The following TTLL12 variants were observed in gnomAD, a reference collection of about 807,000 sequenced individuals.
The protein encoded by TTLL12 is tubulin tyrosine ligase like 12, also known as tubulin--tyrosine ligase-like protein 12.
A neutral mutation model predicts 79.6 loss-of-function variants in TTLL12; 77 were observed. That is an observed-to-expected ratio of 0.97 (90% CI 0.81 to 1.17). TTLL12 has a LOEUF of 1.17. Among genes scored for constraint, TTLL12 ranks in the 50% most tolerant of loss-of-function variants. TTLL12 has a pLI of 0.00. For missense variants in TTLL12, 969 were observed against 895.9 expected, an observed-to-expected ratio of 1.08 and a Z score of -1.04; for synonymous variants, 437 against 376.1, an observed-to-expected ratio of 1.16 and a Z score of -1.87.
In TTLL12 at chr22:43,176,302, TGG is replaced by T. The variant is rs11315075; in HGVS notation, c.917+16_917+17del. On this transcript the variant is annotated intron_variant, in intron 6 of 13. Transcript: ENST00000216129. ...TGCGGACAAGTCCCAGCCCAAGCAG[TGG>T]GGGGGGGCTACGCACTTGAAGATGT... The T allele has an allele frequency of 6.7e-6, 10 of 1,494,108 alleles. No individual in the cohort carries two copies. The highest frequency in any genetic ancestry group is 4.7e-5 in the East Asian group (2 of 42,356). 92.6% of individuals were successfully genotyped at this position (1,494,108 alleles called of 1,614,324 possible). A position where few individuals can be genotyped will look rare whatever the true frequency, so the allele number is the denominator to read the frequency against.
chr22:43,167,768 C>A lies in TTLL12; in HGVS notation c.*240G>T. ...ATGGTGGTGAGGGGTGAGGGCAGGG[C>A]GTGGGGTGGTGCTCAGCCCTGGGGA... On this transcript the variant is annotated 3_prime_UTR_variant, in exon 14 of 14. Transcript: ENST00000216129. 1 of 459,082 alleles carries A rather than the reference C, an allele frequency of 2.2e-6. No individual in the cohort carries two copies. Among genetic ancestry groups the A allele is most frequent in the South Asian group, 3.1e-5 (1 of 31,842 alleles). The allele number at this position is 459,082 out of a possible 1,614,324, so 28.4% of individuals were successfully genotyped here. A position where few individuals can be genotyped will look rare whatever the true frequency, so the allele number is the denominator to read the frequency against.
At chr22:43,186,801 C>A in intron 1 of TTLL12, 92 bp downstream of exon 1, 1 of 1,175,978 alleles carries the variant, frequency 8.5e-7, no homozygotes, top group Non-Finnish European at 1.1e-6. Flanking sequence ...GCGGCTCCCG[C>A]CGCCCGGGAG....
At chr22:43,172,262 C>T in intron 10 of TTLL12, 141 bp downstream of exon 10, 2 of 1,068,174 alleles carry the variant, frequency 1.9e-6, no homozygotes, top group Non-Finnish European at 2.7e-6. Flanking sequence ...GAGATGGGCT[C>T]CAAGGGCCGC....
chr22:43,174,084 G>A, intron 8 of TTLL12, 125 bp downstream of exon 8: 2 of 1,314,846 alleles, frequency 1.5e-6, no homozygotes, highest in Non-Finnish European at 2.1e-6. Context: ...GTGACGTTCG[G>A]GGCCCACAGC....
intron 7 of TTLL12, 31 bp from the exon 8 acceptor site, chr22:43,174,434 A>G: frequency 6.4e-7 from 1 of 1,563,428 alleles, no homozygotes; most frequent in Non-Finnish European, 8.7e-7. Flanking sequence ...CGCCAGCTCA[A>G]GGGGAGGCCG....
intron 1 of TTLL12, among the ~76,000 whole-genome samples, chr22:43,183,999 T>A (rs1428572945): frequency 1.3e-5 from 2 of 152,234 alleles, no homozygotes; most frequent in African/African-American, 4.8e-5. Flanking sequence ...CTGGGAGGAT[T>A]AGGTGATTCA....
chr22:43,176,802 T>C (rs529794995), intron 5 of TTLL12, among the ~76,000 whole-genome samples: 104 of 150,304 alleles, frequency 6.9e-4, no homozygotes, highest in Middle Eastern at 6.9e-3. Flanking sequence ...TCAGGTTCTA[T>C]GGCCTCAAGG....
chr22:43,183,239 C>G, intron 1 of TTLL12, 90 bp from the exon 2 acceptor site: 1 of 1,513,404 alleles, frequency 6.6e-7, no homozygotes, highest in Non-Finnish European at 9.0e-7. Context: ...CGAGGTGCCA[C>G]ACCCAGGCCT....
At chr22:43,174,459 C>T (rs1248703945) in intron 7 of TTLL12, 40 bp downstream of exon 7, 1 of 1,577,476 alleles carries the variant, frequency 6.3e-7, no homozygotes, top group South Asian at 1.1e-5. Context: ...TGCCTAGAAG[C>T]CCTGACTGGG....
intron 3 of TTLL12, 98 bp downstream of exon 3, chr22:43,180,644 G>T: frequency 7.4e-7 from 1 of 1,353,624 alleles, no homozygotes; most frequent in East Asian, 2.3e-5. Context: ...TGAGTTGCTT[G>T]CTCTGGCCGG....
Position 43,179,825 on chromosome 22 carries a change from C to A in TTLL12, c.706+16G>T. ...GCTGAGGCCCCTCCTCCAGGGCGGG[C>A]AGGTGCTGGACTTACCGCCAGTGTC... On this transcript the variant is annotated intron_variant, in intron 4 of 13. Coordinates refer to ENST00000216129, the MANE Select transcript of TTLL12 (RefSeq NM_015140.4). 1 of 1,563,672 alleles carries A rather than the reference C, an allele frequency of 6.4e-7. No homozygotes were observed. Among genetic ancestry groups the A allele is most frequent in the South Asian group, 1.2e-5 (1 of 85,852 alleles).
chr22:43,172,266 G>A lies in TTLL12; in HGVS notation c.1493+137C>T, dbSNP rs1010872490. The A allele has an allele frequency of 1.0e-5, 11 of 1,091,070 alleles. No individual in the cohort carries two copies. The East Asian group carries it at 2.3e-4, about 23-fold the overall frequency. 67.6% of individuals were successfully genotyped at this position (1,091,070 alleles called of 1,614,324 possible). A position where few individuals can be genotyped will look rare whatever the true frequency, so the allele number is the denominator to read the frequency against. ...TAACACCAAGGGAGATGGGCTCCAA[G>A]GGCCGCTAGCTGGGTGAGTGATGGA... On this transcript the variant is annotated intron_variant, in intron 10 of 13. Coordinates refer to ENST00000216129, the MANE Select transcript of TTLL12 (RefSeq NM_015140.4).
intron 5 of TTLL12, 132 bp downstream of exon 5, chr22:43,179,487 A>C (rs760842503): frequency 2.7e-4 from 356 of 1,306,734 alleles, no homozygotes; most frequent in Non-Finnish European, 3.2e-4. Flanking sequence ...GGCTCCCAAA[A>C]CTCTATGCCT....
chr22:43,173,898 G>A (rs1931830750), intron 8 of TTLL12, 72 bp from the exon 9 acceptor site: 2 of 1,379,356 alleles, frequency 1.4e-6, no homozygotes, highest in African/African-American at 2.9e-5. Flanking sequence ...CCAGGACCCA[G>A]AGGCAGAAGA....
Position 43,187,058 on chromosome 22 carries a change from C to T in TTLL12, c.12G>A (p.Glu4=). The T allele has an allele frequency of 8.4e-7, 1 of 1,183,618 alleles. No homozygotes were observed. Among genetic ancestry groups the T allele is most frequent in the Non-Finnish European group, 1.0e-6 (1 of 957,536 alleles). 73.3% of individuals were successfully genotyped at this position (1,183,618 alleles called of 1,614,324 possible). The change falls in exon 1 of 14, where the codon GAG becomes GAA. Residue 4 remains glutamate, a synonymous_variant. Transcript: ENST00000216129. The stretch of plus-strand genomic sequence containing the variant: ...CCGCAGGCCGGCGCTCGGGACCCCG[C>T]TCGGCCTCCATGGCGCCAGCACCCG... MEA[E]RGPERRPAER... is the part of the protein sequence containing the mutation.
chr22:43,178,692 G>T (rs1037791332), intron 5 of TTLL12, among the ~76,000 whole-genome samples: 1 of 152,160 alleles, frequency 6.6e-6, no homozygotes, highest in Non-Finnish European at 1.5e-5. Context: ...CTTAGTGAGC[G>T]CCTGGTGTGC....
intron 11 of TTLL12, among the ~76,000 whole-genome samples, chr22:43,170,679 G>A (rs764679357): frequency 6.6e-6 from 1 of 152,208 alleles, no homozygotes; most frequent in Non-Finnish European, 1.5e-5. Flanking sequence ...AGGAGGCTGA[G>A]GCAGGCGGAG....
Position 43,180,808 on chromosome 22 carries a change from T to C in TTLL12, c.480A>G (p.Thr160=). The part of the protein sequence containing the change: ...GIEFHGELPS[T]EAVALVLEEM... ...CCTCCAGCACCAGGGCCACAGCCTCTGTACTGGGCAGCTCACCGTGGAACT... is the reference window on the plus strand; with the variant it reads ...CCTCCAGCACCAGGGCCACAGCCTCCGTACTGGGCAGCTCACCGTGGAACT... Residue 160 remains threonine (T), a synonymous_variant, in exon 3 of 14, where the codon ACA becomes ACG. Coordinates refer to ENST00000216129, the MANE Select transcript of TTLL12 (RefSeq NM_015140.4). 3.7e-6 allele frequency: 6 copies of C among 1,613,220 alleles called. No individual in the cohort carries two copies. The highest frequency in any genetic ancestry group is 4.2e-6 in the Non-Finnish European group (5 of 1,179,992).
Position 43,179,698 on chromosome 22 carries a change from C to T in TTLL12, c.761G>A (p.Cys254Tyr). Reference protein sequence around the residue: ...YGETDPLIRKCMLLPWAPTDM... With the variant: ...YGETDPLIRKYMLLPWAPTDM... ...GGTGGGGGCCCAGGGCAGCAGCATGCACTTCCGGATCAGGGGGTCCGTCTC... is the reference window on the plus strand; with the variant it reads ...GGTGGGGGCCCAGGGCAGCAGCATGTACTTCCGGATCAGGGGGTCCGTCTC... Residue 254 changes from cysteine (C) to tyrosine (Y), a missense_variant, in exon 5 of 14, where the codon TGC becomes TAC. Coordinates refer to ENST00000216129, the MANE Select transcript of TTLL12 (RefSeq NM_015140.4). 6.4e-7 allele frequency: 1 copy of T among 1,570,256 alleles called. No individual in the cohort carries two copies. The highest frequency in any genetic ancestry group is 8.6e-7 in the Non-Finnish European group (1 of 1,159,310).
Sources: gnomAD v4.1 joint callset for allele counts (sites outside exome capture counted in the v4.1 genomes callset) on GRCh38, gnomAD v4.1.1 for gene constraint, MANE v1.5 for transcripts, NCBI Gene and HGNC (gene_info 2026-07-23, HGNC 2026-07-21) for gene names.